Variants in INPP4B observed in about 807,000 individuals in gnomAD.
The protein encoded by INPP4B is inositol polyphosphate-4-phosphatase type II B, also known as inositol polyphosphate 4-phosphatase type II.
A neutral mutation model predicts 122.5 loss-of-function variants in INPP4B; 55 were observed. The observed-to-expected ratio is 0.45, with a 90% confidence interval of 0.36 to 0.56. The LOEUF (loss-of-function observed/expected upper bound fraction) is 0.56. Among genes scored for constraint, INPP4B ranks in the 20% least tolerant of loss-of-function variants. INPP4B has a pLI of 0.00. For synonymous variants in INPP4B, 403 were observed against 388.7 expected (o/e 1.04, Z -0.43); for missense variants, 1,000 against 1,097.7 (o/e 0.91, Z 1.26).
At chr4:142,522,628 G>A (rs775262377) in intron 2 of INPP4B, among the ~76,000 whole-genome samples, 82 of 151,870 alleles carry the variant, frequency 5.4e-4, no homozygotes, top group Admixed American at 8.5e-4. Context: ...GAAGGGAGAC[G>A]GTTTACTATA....
chr4:142,806,792 A>AAAG (rs1778866832), intron 1 of INPP4B, among the ~76,000 whole-genome samples: 2 of 132,422 alleles, frequency 1.5e-5, no homozygotes, highest in South Asian at 4.9e-4. Flanking sequence ...AGAAGGAAAG[A>AAAG]AAGAAAGAAA....
At chr4:142,704,333 A>G (rs1762205053) in intron 2 of INPP4B, among the ~76,000 whole-genome samples, 1 of 152,216 alleles carries the variant, frequency 6.6e-6, no homozygotes, top group South Asian at 2.1e-4. Flanking sequence ...AGAATTTACT[A>G]TAAAAATTAA....
chr4:142,482,958 T>C (rs1820740941), intron 2 of INPP4B, among the ~76,000 whole-genome samples: 1 of 152,120 alleles, frequency 6.6e-6, no homozygotes, highest in Non-Finnish European at 1.5e-5. Flanking sequence ...AGATTATCTA[T>C]GAATACATAA....
At chr4:142,696,933 GC>G (rs1260673383) in intron 2 of INPP4B, among the ~76,000 whole-genome samples, 6 of 152,162 alleles carry the variant, frequency 3.9e-5, no homozygotes, top group African/African-American at 1.4e-4. Flanking sequence ...ACAGTGTGCA[GC>G]CCCGCACACT....
At chr4:142,053,779 C>T (rs891589456) in intron 25 of INPP4B, among the ~76,000 whole-genome samples, 12 of 152,150 alleles carry the variant, frequency 7.9e-5, no homozygotes, top group African/African-American at 2.2e-4. Context: ...ATAAGAACCC[C>T]GATTCAGGTA....
At chr4:142,179,970 T>G (rs1219825688) in intron 15 of INPP4B, among the ~76,000 whole-genome samples, 4 of 152,160 alleles carry the variant, frequency 2.6e-5, no homozygotes, top group Non-Finnish European at 4.4e-5. Context: ...CCTTCCAACC[T>G]CAAAATCTTC....
intron 23 of INPP4B, among the ~76,000 whole-genome samples, chr4:142,096,657 T>TA (rs1781946013): frequency 6.6e-6 from 1 of 152,150 alleles, no homozygotes. Flanking sequence ...TTTTTAATGC[T>TA]AAAAAAGCAT....
chr4:142,614,317 T>C (rs1280607498), intron 2 of INPP4B, among the ~76,000 whole-genome samples: 1 of 152,064 alleles, frequency 6.6e-6, no homozygotes, highest in African/African-American at 2.4e-5. Context: ...GTTCAATAAA[T>C]GATGCTGGGA....
Position 142,323,734 on chromosome 4 carries a change from A to C in INPP4B, c.373-8972T>G, listed in dbSNP as rs114625554. Among the ~76,000 whole-genome samples the C allele has an allele frequency of 7.5e-3, 1,127 of 150,742 alleles. 8 individuals are homozygous for C. Among genetic ancestry groups the C allele is most frequent in the South Asian group, 0.013 (61 of 4,758 alleles). ...TGCAGGGATTACAGGCGTGAGCCAC[A>C]GCGCCCAGCAGATCTTTTTTTTTTT... On this transcript the variant is annotated intron_variant, in intron 7 of 25. Transcript: ENST00000262992.
In INPP4B at chr4:142,033,100, A is replaced by G. The variant is rs1274968108; in HGVS notation, c.2643-4186T>C. On this transcript the variant is annotated intron_variant, in intron 25 of 25. Coordinates refer to ENST00000262992, the MANE Select transcript of INPP4B (RefSeq NM_001101669.3). ...AAGAAAAAGAAAAGGAATCTGAACA[A>G]TTGCTCATCTGAGGGCCATGTGGGT... Among the ~76,000 whole-genome samples the G allele has an allele frequency of 2.6e-5, 4 of 152,196 alleles. No individual in the cohort carries two copies. In the East Asian group the frequency reaches 7.7e-4, roughly 29 times the overall value.
intron 5 of INPP4B, among the ~76,000 whole-genome samples, chr4:142,406,562 T>A (rs1218745226): frequency 2.0e-5 from 3 of 152,174 alleles, no homozygotes; most frequent in Non-Finnish European, 1.5e-5. Context: ...ACAGGCTTGG[T>A]TTTAGTCCAG....
chr4:142,821,772 C>A lies in INPP4B; in HGVS notation c.-254+24437G>T, dbSNP rs1369127336. ...GAACACAGGCTGGCAGGTAGTGAGC[C>A]CTCAACAAACACTAGTCTGACCGTT... On this transcript the variant is annotated intron_variant, in intron 1 of 25. Transcript: ENST00000262992. 5.3e-5 allele frequency among the ~76,000 whole-genome samples: 8 copies of A among 152,124 alleles called. No individual in the cohort carries two copies. The East Asian group carries it at 1.3e-3, about 26-fold the overall frequency.
chr4:142,120,785 A>G (rs1480404057), intron 21 of INPP4B, among the ~76,000 whole-genome samples: 1 of 152,202 alleles, frequency 6.6e-6, no homozygotes, highest in East Asian at 1.9e-4. Flanking sequence ...GATGCTGCCC[A>G]ATGTTCACTA....
chr4:142,282,940 C>T (rs1751879082), intron 9 of INPP4B, among the ~76,000 whole-genome samples: 1 of 152,164 alleles, frequency 6.6e-6, no homozygotes, highest in East Asian at 1.9e-4. Context: ...CTATAGAAAA[C>T]ACTGTAAGAC....
At chr4:142,421,572 A>G (rs1806906467) in intron 5 of INPP4B, among the ~76,000 whole-genome samples, 1 of 152,170 alleles carries the variant, frequency 6.6e-6, no homozygotes, top group Non-Finnish European at 1.5e-5. Context: ...TTGCAAGAGA[A>G]TTTCTAGAGC....
At chr4:142,589,597 T>C (rs950858312) in intron 2 of INPP4B, among the ~76,000 whole-genome samples, 3 of 152,058 alleles carry the variant, frequency 2.0e-5, no homozygotes, top group Non-Finnish European at 4.4e-5. Context: ...CCTATTAGAA[T>C]AACTAAAATC....
At chr4:142,194,983 T>C (rs892990916) in intron 14 of INPP4B, among the ~76,000 whole-genome samples, 2 of 152,106 alleles carry the variant, frequency 1.3e-5, no homozygotes, top group Non-Finnish European at 2.9e-5. Flanking sequence ...ATGGAATGAG[T>C]TCCCATGTTA....
At chr4:142,525,279 G>C (rs892564332) in intron 2 of INPP4B, among the ~76,000 whole-genome samples, 3 of 151,464 alleles carry the variant, frequency 2.0e-5, no homozygotes, top group African/African-American at 7.3e-5. Context: ...CTCATGGGTA[G>C]GAAGAATCAA....
intron 11 of INPP4B, among the ~76,000 whole-genome samples, chr4:142,246,033 C>CGTGTGTGTATACACACATTATATATAT (rs1561601091): frequency 1.3e-4 from 16 of 127,008 alleles, no homozygotes; most frequent in South Asian, 5.0e-4. Flanking sequence ...TGTACACACA[C>CGTGTGTGTATACACACATTATATATAT]GTGTGTGTAT....
Sources: allele counts gnomAD v4.1 joint callset (sites outside exome capture counted in the v4.1 genomes callset), GRCh38; gene constraint gnomAD v4.1.1; transcripts MANE v1.5; gene names NCBI Gene and HGNC (gene_info 2026-07-23, HGNC 2026-07-21).